Variants in ACOX3 observed in about 807,000 individuals in gnomAD.
ACOX3 encodes peroxisomal acyl-coenzyme A oxidase 3.
In ACOX3, 73 loss-of-function variants were observed where a neutral mutation model predicts 81.5. The ratio of observed to expected loss-of-function variants is 0.90; its 90% confidence interval spans 0.74 to 1.09. The LOEUF is 1.09. ACOX3 is among the 50% of genes least tolerant of loss of function. The probability of loss-of-function intolerance (pLI) is 0.00; values close to 1 mark genes in which losing one functional copy is unlikely to be tolerated. For synonymous variants in ACOX3, 387 were observed against 375.1 expected, an observed-to-expected ratio of 1.03 and a Z score of -0.37; for missense variants, 947 against 928.0, an observed-to-expected ratio of 1.02 and a Z score of -0.27.
rs146138420 is a variant in ACOX3, at chr4:8,416,660, G to T, written c.-14-125C>A. The stretch of plus-strand genomic sequence containing the variant: ...AGTAAACTTGAAATCCAAAAGGATG[G>T]CAAAAGAGAATCACTCTGTGAATGG... On this transcript the variant is annotated intron_variant, in intron 1 of 17. Transcript: ENST00000356406. This position sits in a 1 kb window ranked among gnomAD's most constrained non-coding sequence, Gnocchi z 4.2. The T allele has an allele frequency of 7.3e-6, 8 of 1,102,286 alleles. No individual in the cohort carries two copies. The South Asian group carries it at 1.2e-4, about 16-fold the overall frequency. The allele number at this position is 1,102,286 out of a possible 1,614,324, so 68.3% of individuals were successfully genotyped here.
chr4:8,395,841 C>T (rs1002318251), intron 9 of ACOX3, among the ~76,000 whole-genome samples: 1 of 152,266 alleles, frequency 6.6e-6, no homozygotes, highest in African/African-American at 2.4e-5. Flanking sequence ...ACAGAAACAA[C>T]TGCAATTCTG....
chr4:8,392,565 C>T, intron 10 of ACOX3, 112 bp from the exon 11 acceptor site: 1 of 1,219,606 alleles, frequency 8.2e-7, no homozygotes, highest in Admixed American at 2.8e-5. Context: ...TAATACAAGA[C>T]ATCCCGAAAA....
Position 8,416,237 on chromosome 4 carries a change from G to T in ACOX3, c.144+141C>A. 1 of 1,374,312 alleles carries T rather than the reference G, an allele frequency of 7.3e-7. No homozygotes were observed. The highest frequency in any genetic ancestry group is 1.0e-6 in the Non-Finnish European group (1 of 976,702). 85.1% of individuals were successfully genotyped at this position (1,374,312 alleles called of 1,614,324 possible). A position where few individuals can be genotyped will look rare whatever the true frequency, so the allele number is the denominator to read the frequency against. ...AATTCCCTGAGGCCTGTCCTGGGGT[G>T]CAGAGAGGAGAGAGGCCGCGCTGCC... On this transcript the variant is annotated intron_variant, in intron 2 of 17. Coordinates refer to ENST00000356406, the MANE Select transcript of ACOX3 (RefSeq NM_003501.3). This position sits in a 1 kb window ranked among gnomAD's most constrained non-coding sequence, Gnocchi z 4.2.
chr4:8,402,910 C>T (rs1021348238), intron 7 of ACOX3, among the ~76,000 whole-genome samples: 6 of 152,194 alleles, frequency 3.9e-5, no homozygotes, highest in Non-Finnish European at 8.8e-5. Context: ...TCCTTTGGGG[C>T]CTGGAAGGGC....
rs1721124746 is a variant in ACOX3 at position 8,407,530 on chromosome 4, C to T, written c.688-1487G>A. On this transcript the variant is annotated intron_variant, in intron 6 of 17. Coordinates refer to ENST00000356406, the MANE Select transcript of ACOX3 (RefSeq NM_003501.3). This position sits in a 1 kb window ranked among gnomAD's most constrained non-coding sequence, Gnocchi z 4.6. ...CCCGGCCTCCAGAGTTGGGAGAATA[C>T]GTTATGCTGTTTCGAGCGCCCTGCT... 6.6e-6 allele frequency among the ~76,000 whole-genome samples: 1 copy of T among 152,198 alleles called. No individual in the cohort carries two copies. The highest frequency in any genetic ancestry group is 2.4e-5 in the African/African-American group (1 of 41,448).
chr4:8,377,273 G>C (rs529073942), intron 14 of ACOX3, among the ~76,000 whole-genome samples: 2 of 152,170 alleles, frequency 1.3e-5, no homozygotes, highest in Non-Finnish European at 2.9e-5. Context: ...TCTCCCCGTC[G>C]CCTGCACAGT....
downstream of ACOX3, among the ~76,000 whole-genome samples, chr4:8,363,039 T>C (rs62285995): frequency 0.25 from 37,372 of 152,176 alleles, 5,204 homozygotes; most frequent in East Asian, 0.51. Flanking sequence ...TAAATTCTAG[T>C]TTCATTGTTG....
In ACOX3 at chr4:8,423,262, G is replaced by A. The variant is rs1723138431; in HGVS notation, c.-14-6727C>T. On this transcript the variant is annotated intron_variant, in intron 1 of 17. Transcript: ENST00000356406. The surrounding 1 kb of genome is among the most constrained non-coding windows in gnomAD (Gnocchi z 4.2). ...TTATGCCTGAAACCCCCACACCCTT[G>A]TTAGGGAGATACATTCTAGCAAAAG... 6.6e-6 allele frequency among the ~76,000 whole-genome samples: 1 copy of A among 152,128 alleles called. No homozygotes were observed.
chr4:8,377,545 C>T lies in ACOX3; in HGVS notation c.1654-2393G>A, dbSNP rs534767583. Among the ~76,000 whole-genome samples, 116 of 152,316 alleles carry T rather than the reference C, an allele frequency of 7.6e-4. 1 individual carries two copies. The highest frequency in any genetic ancestry group is 2.4e-3 in the African/African-American group (101 of 41,574). ...CTGCGTGGTGCTGCTGGGGTCAGGG[C>T]GGCTCTCTCACAGGAAGCGCCTGCG... On this transcript the variant is annotated intron_variant, in intron 14 of 17. Coordinates refer to ENST00000356406, the MANE Select transcript of ACOX3 (RefSeq NM_003501.3).
At position 8,389,110 on chromosome 4, in the gene ACOX3, C is replaced by G; in HGVS notation, c.1537+63G>C. The G allele has an allele frequency of 7.1e-7, 1 of 1,409,500 alleles. No homozygotes were observed. The highest frequency in any genetic ancestry group is 1.2e-5 in the South Asian group (1 of 84,370). The allele number at this position is 1,409,500 out of a possible 1,614,324, so 87.3% of individuals were successfully genotyped here. ...AGGGTCCCCTCACCGAGGCACGGTGCGTTTCCTGGTGGGAATGACAGGAAA... is the reference window on the plus strand; with the variant it reads ...AGGGTCCCCTCACCGAGGCACGGTGGGTTTCCTGGTGGGAATGACAGGAAA... On this transcript the variant is annotated intron_variant, in intron 13 of 17. Coordinates refer to ENST00000356406, the MANE Select transcript of ACOX3 (RefSeq NM_003501.3). This position sits in a 1 kb window ranked among gnomAD's most constrained non-coding sequence, Gnocchi z 5.3.
chr4:8,387,446 C>A (rs189440007), intron 13 of ACOX3, among the ~76,000 whole-genome samples: 174 of 152,348 alleles, frequency 1.1e-3, no homozygotes, highest in Non-Finnish European at 2.2e-3. Context: ...CTACCTGGCC[C>A]GCCGGGACAG....
chr4:8,364,004 C>T (rs1221519221), downstream of ACOX3, among the ~76,000 whole-genome samples: 1 of 152,126 alleles, frequency 6.6e-6, no homozygotes, highest in Non-Finnish European at 1.5e-5. The surrounding 1 kb of genome is among the most constrained non-coding windows in gnomAD (Gnocchi z 5.0). Flanking sequence ...TCTTCTATTC[C>T]TTTACTTTCT....
intron 13 of ACOX3, among the ~76,000 whole-genome samples, chr4:8,388,134 C>T (rs144050452): frequency 1.4e-3 from 206 of 152,348 alleles, no homozygotes; most frequent in Middle Eastern, 3.4e-3. Context: ...CTGACACACC[C>T]GTCCATCGGG....
Position 8,389,730 on chromosome 4 carries a change from G to C in ACOX3, c.1305C>G (p.Asn435Lys), listed in dbSNP as rs1295171734. Residue 435 changes from asparagine (N) to lysine (K), a missense_variant, in exon 12 of 18, where the codon AAC (asparagine) becomes AAG (lysine). Transcript: ENST00000356406. The surrounding 1 kb of genome is among the most constrained non-coding windows in gnomAD (Gnocchi z 5.3). ...ACGGHGYLAM[N>K]RLGVLRDDND... The stretch of plus-strand genomic sequence containing the variant: ...TGTCATCTCTAAGGACACCCAACCG[G>C]TTCACTGCAACAAAGCCACAATAGT... 6.2e-7 allele frequency: 1 copy of C among 1,613,816 alleles called. No homozygotes were observed. Among genetic ancestry groups the C allele is most frequent in the Non-Finnish European group, 8.5e-7 (1 of 1,179,920 alleles).
chr4:8,390,998 CATATGTATATGTATGTGT>C lies in ACOX3; in HGVS notation c.1301-1282_1301-1265del, dbSNP rs1455842123. On this transcript the variant is annotated intron_variant, in intron 11 of 17. Transcript: ENST00000356406. Reference sequence around the variant, plus strand: ...TCGGTCATATTGGTCTCAATCCCAGCATATGTATATGTATGTGTATATGTATATGTATGTGTATATGTA... The same window carrying C: ...TCGGTCATATTGGTCTCAATCCCAGCATATGTATATGTATGTGTATATGTA... Among the ~76,000 whole-genome samples the C allele has an allele frequency of 1.0e-3, 132 of 132,006 alleles. 1 individual carries two copies. Among genetic ancestry groups the C allele is most frequent in the African/African-American group, 3.3e-3 (121 of 36,650 alleles). 86.6% of individuals were successfully genotyped at this position (132,006 alleles called of 152,430 possible). A position where few individuals can be genotyped will look rare whatever the true frequency, so the allele number is the denominator to read the frequency against.
rs1717737911 is a variant in ACOX3, at chr4:8,382,149, G to T, written c.1538-542C>A. On this transcript the variant is annotated intron_variant, in intron 13 of 17. Coordinates refer to ENST00000356406, the MANE Select transcript of ACOX3 (RefSeq NM_003501.3). This position sits in a 1 kb window ranked among gnomAD's most constrained non-coding sequence, Gnocchi z 4.1. ...ATGGTGGGGGAGGGGGGAACCTAAG[G>T]CCTCACCCCCTGCGTGGCCCCTTCC... is the stretch of plus-strand genomic sequence containing the variant. Among the ~76,000 whole-genome samples, 1 of 152,204 alleles carries T rather than the reference G, an allele frequency of 6.6e-6. No homozygotes were observed. Among genetic ancestry groups the T allele is most frequent in the Non-Finnish European group, 1.5e-5 (1 of 68,026 alleles).
chr4:8,412,473 AGAAT>A (rs1044704697), intron 5 of ACOX3, among the ~76,000 whole-genome samples: 1 of 152,122 alleles, frequency 6.6e-6, no homozygotes, highest in African/African-American at 2.4e-5. Flanking sequence ...GATGGATGGA[AGAAT>A]GAATGGATGG....
chr4:8,355,964 A>G, the ACOX3 span: 2 of 163,392 alleles, frequency 1.2e-5, no homozygotes, highest in African/African-American at 4.8e-5. Flanking sequence ...AATAAGAAGG[A>G]AATCTATACA....
chr4:8,355,922 C>A, the ACOX3 span: 1 of 160,576 alleles, frequency 6.2e-6, no homozygotes, highest in Admixed American at 5.6e-5. Context: ...ACTTCAAGCA[C>A]GGGGGAAGGT....
Sources: gnomAD v4.1 joint callset for allele counts (sites outside exome capture counted in the v4.1 genomes callset) on GRCh38, gnomAD v4.1.1 for gene constraint, Gnocchi (gnomAD v3.1) non-coding constraint, MANE v1.5 for transcripts, NCBI Gene and HGNC (gene_info 2026-07-23, HGNC 2026-07-21) for gene names.